ADGRL3: variants seen among roughly 807,000 people sequenced by gnomAD.
The protein encoded by ADGRL3 is adhesion G protein-coupled receptor L3.
Under a neutral mutation model 153.5 loss-of-function variants are expected in ADGRL3, and 62 were observed. The observed-to-expected ratio is 0.40, with a 90% CI of 0.33 to 0.50. The LOEUF is 0.50. ADGRL3 is among the 20% of genes least tolerant of loss of function. ADGRL3 has a pLI of 0.47. For synonymous variants in ADGRL3, 710 were observed against 672.5 expected (o/e 1.06, Z -0.86); for missense variants, 1,641 against 1,859.4 (o/e 0.88, Z 2.16).
intron 1 of ADGRL3, among the ~76,000 whole-genome samples, chr4:61,218,018 G>C (rs1195354251): frequency 6.6e-6 from 1 of 152,290 alleles, no homozygotes; most frequent in South Asian, 2.1e-4. Context: ...TCTTTTCACT[G>C]CTGGGATTAA....
At chr4:61,694,685 A>G (rs1468378426) in intron 6 of ADGRL3, among the ~76,000 whole-genome samples, 2 of 152,132 alleles carry the variant, frequency 1.3e-5, no homozygotes, top group Non-Finnish European at 2.9e-5. Flanking sequence ...TAAAATAACA[A>G]TGAAGTTTGT....
intron 1 of ADGRL3, among the ~76,000 whole-genome samples, chr4:61,377,221 C>T (rs962167032): frequency 1.3e-5 from 2 of 152,038 alleles, no homozygotes; most frequent in Non-Finnish European, 2.9e-5. Flanking sequence ...CTGTCCTATC[C>T]TACCCTACCT....
At chr4:61,393,454 C>T (rs1428068488) in intron 2 of ADGRL3, among the ~76,000 whole-genome samples, 1 of 151,886 alleles carries the variant, frequency 6.6e-6, no homozygotes, top group African/African-American at 2.4e-5. Flanking sequence ...TAAGCAAATA[C>T]AAGAGTAAAT....
intron 4 of ADGRL3, among the ~76,000 whole-genome samples, chr4:61,576,091 T>G (rs2149211033): frequency 6.6e-6 from 1 of 152,142 alleles, no homozygotes; most frequent in South Asian, 2.1e-4. Flanking sequence ...TTCATATAGC[T>G]TTAGAAAGTT....
At chr4:61,971,388 A>G (rs1281200427) in intron 17 of ADGRL3, among the ~76,000 whole-genome samples, 2 of 151,966 alleles carry the variant, frequency 1.3e-5, no homozygotes, top group Admixed American at 6.6e-5. Context: ...ATTCCCATCT[A>G]TGAGTGAGAA....
At chr4:61,684,918 CTT>C (rs1000620829) in intron 6 of ADGRL3, among the ~76,000 whole-genome samples, 2 of 146,094 alleles carry the variant, frequency 1.4e-5, no homozygotes, top group Admixed American at 6.9e-5. Flanking sequence ...ATTGTTAGCA[CTT>C]TTTTTTTTTT....
chr4:61,966,926 A>C (rs1458936613), intron 17 of ADGRL3, among the ~76,000 whole-genome samples: 2 of 152,122 alleles, frequency 1.3e-5, no homozygotes, highest in Non-Finnish European at 2.9e-5. Context: ...GCATTTGTGG[A>C]CCTTCCCACT....
intron 5 of ADGRL3, among the ~76,000 whole-genome samples, chr4:61,675,643 T>TTTTATTTATTTATTAA (rs1554000763): frequency 1.4e-5 from 2 of 139,780 alleles, no homozygotes; most frequent in Non-Finnish European, 3.1e-5. Context: ...GCTTAGAAAG[T>TTTTATTTATTTATTAA]TTTATTTATT....
intron 8 of ADGRL3, chr4:61,775,402 T>TTGTG (rs61671331): frequency 0.043 from 19,544 of 452,910 alleles, 709 homozygotes; most frequent in African/African-American, 0.16. Context: ...TTTTCTTTCT[T>TTGTG]TGTGTGTGTG....
chr4:61,885,370 C>T (rs1215667690), intron 9 of ADGRL3, among the ~76,000 whole-genome samples: 1 of 152,080 alleles, frequency 6.6e-6, no homozygotes, highest in African/African-American at 2.4e-5. Context: ...AGTGGGTCTC[C>T]TTAACAGTGC....
chr4:61,640,186 G>T (rs1001625777), intron 5 of ADGRL3, among the ~76,000 whole-genome samples: 1 of 151,658 alleles, frequency 6.6e-6, no homozygotes, highest in Non-Finnish European at 1.5e-5. Context: ...TTCAACAAGC[G>T]GAATATGGCA....
At chr4:62,070,047 TTG>T in intron 26 of ADGRL3, 60 bp from the exon 27 acceptor site, 25 of 1,339,544 alleles carry the variant, frequency 1.9e-5, no homozygotes, top group Non-Finnish European at 2.4e-5. Flanking sequence ...GCTTCTGTGT[TTG>T]TGTGTGTGTT....
rs1210902328 is a variant in ADGRL3, at chr4:61,444,116, T to C, written c.-173-53005T>C. ...CCAATATGCAAATCCATTCTATGCA[T>C]TAAATATCTTAACATTTAGAGATAT... On this transcript the variant is annotated intron_variant, in intron 2 of 26. Transcript: ENST00000683033. Among the ~76,000 whole-genome samples the C allele has an allele frequency of 2.0e-5, 3 of 152,226 alleles. No individual in the cohort carries two copies. In the East Asian group the frequency reaches 5.8e-4, roughly 29 times the overall value.
At chr4:61,327,896 A>T (rs2095496159) in intron 1 of ADGRL3, among the ~76,000 whole-genome samples, 1 of 152,128 alleles carries the variant, frequency 6.6e-6, no homozygotes, top group African/African-American at 2.4e-5. Context: ...GACTTGGATT[A>T]TGAAATATTG....
At chr4:61,961,475 T>C (rs1046890244) in intron 17 of ADGRL3, among the ~76,000 whole-genome samples, 4 of 152,310 alleles carry the variant, frequency 2.6e-5, no homozygotes, top group East Asian at 3.9e-4. Context: ...TTTCCTGTTA[T>C]AAAACAGGAA....
chr4:61,895,242 C>T (rs959003652), intron 10 of ADGRL3, among the ~76,000 whole-genome samples: 3 of 152,080 alleles, frequency 2.0e-5, no homozygotes, highest in Admixed American at 2.0e-4. Flanking sequence ...CCAAGGCGGG[C>T]AGATCACGAG....
At chr4:61,421,105 T>A (rs943881533) in intron 2 of ADGRL3, among the ~76,000 whole-genome samples, 4 of 151,712 alleles carry the variant, frequency 2.6e-5, no homozygotes, top group Admixed American at 2.0e-4. Flanking sequence ...GAGGCCGAGG[T>A]GGGCGGATCA....
chr4:61,372,541 G>A (rs566624618), intron 1 of ADGRL3, among the ~76,000 whole-genome samples: 5 of 152,162 alleles, frequency 3.3e-5, no homozygotes, highest in East Asian at 1.9e-4. Context: ...TAGGCTGCTC[G>A]GGGGTCAGGG....
chr4:61,303,736 G>A (rs1261738580), intron 1 of ADGRL3, among the ~76,000 whole-genome samples: 5 of 152,182 alleles, frequency 3.3e-5, no homozygotes, highest in Admixed American at 6.5e-5. Flanking sequence ...ATGTTTCTGC[G>A]TTCTCAAACA....
Sources: gnomAD v4.1 joint callset for allele counts (sites outside exome capture counted in the v4.1 genomes callset) on GRCh38, gnomAD v4.1.1 for gene constraint, MANE v1.5 for transcripts, NCBI Gene and HGNC (gene_info 2026-07-23, HGNC 2026-07-21) for gene names.